HDAC9: variants seen among roughly 807,000 people sequenced by gnomAD.
The protein encoded by HDAC9 is MEF-2 interacting transcription repressor (MITR) protein.
Under a neutral mutation model 139.4 loss-of-function variants are expected in HDAC9, and 41 were observed. The ratio of observed to expected loss-of-function variants is 0.29; its 90% CI spans 0.23 to 0.38. The LOEUF (loss-of-function observed/expected upper bound fraction) is 0.38. Among genes scored for constraint, HDAC9 ranks in the 10% least tolerant of loss-of-function variants. The pLI is 1.00. For missense variants in HDAC9, 1,147 were observed against 1,297.0 expected (o/e 0.88, Z 1.78); for synonymous variants, 517 against 476.2 (o/e 1.09, Z -1.12).
At position 18,363,266 on chromosome 7, in the gene HDAC9, G is replaced by A. The variant is rs553064777; in HGVS notation, c.-42+72751G>A. Reference sequence around the variant, plus strand: ...TTACTTTTTCTTAATGTCAGATGAGGTATATATATCTTTTGTAACTTCCTG... The same window carrying A: ...TTACTTTTTCTTAATGTCAGATGAGATATATATATCTTTTGTAACTTCCTG... On this transcript the variant is annotated intron_variant, in intron 1 of 3. Coordinates refer to the HDAC9 transcript ENST00000413509. Among the ~76,000 whole-genome samples the A allele has an allele frequency of 3.3e-5, 5 of 152,060 alleles. 1 individual carries two copies. The South Asian group carries it at 1.0e-3, about 32-fold the overall frequency.
intron 21 of HDAC9, among the ~76,000 whole-genome samples, chr7:18,848,562 G>A (rs889654551): frequency 6.6e-6 from 1 of 151,726 alleles, no homozygotes; most frequent in Non-Finnish European, 1.5e-5. Context: ...TCCGGTGAGA[G>A]CGCTCTCATC....
At chr7:18,645,303 C>T (rs1300924291) in intron 9 of HDAC9, among the ~76,000 whole-genome samples, 1 of 152,166 alleles carries the variant, frequency 6.6e-6, no homozygotes, top group Non-Finnish European at 1.5e-5. Flanking sequence ...TACTGACTCT[C>T]TGGTACTGGC....
At chr7:18,533,786 C>T (rs1809884183) in intron 2 of HDAC9, among the ~76,000 whole-genome samples, 1 of 151,990 alleles carries the variant, frequency 6.6e-6, no homozygotes, top group African/African-American at 2.4e-5. Flanking sequence ...TATTTTTCTG[C>T]AGTTCTTACT....
intron 2 of HDAC9, among the ~76,000 whole-genome samples, chr7:18,262,990 A>G (rs935254339): frequency 3.9e-5 from 6 of 152,326 alleles, no homozygotes; most frequent in African/African-American, 1.4e-4. Context: ...AATGGTAGAC[A>G]TAAATCCTAC....
At position 18,813,834 on chromosome 7, in the gene HDAC9, A is replaced by G. The variant is rs536151377; in HGVS notation, c.2323-15327A>G. Among the ~76,000 whole-genome samples, 12 of 152,308 alleles carry G rather than the reference A, an allele frequency of 7.9e-5. No individual in the cohort carries two copies. The South Asian group carries it at 2.5e-3, about 32-fold the overall frequency. Reference sequence around the variant, plus strand: ...TGGGTGAAGTAAAAGGCGAGAGTCTAGCTATTACTAAGATTTTTTGTTCAG... The same window carrying G: ...TGGGTGAAGTAAAAGGCGAGAGTCTGGCTATTACTAAGATTTTTTGTTCAG... On this transcript the variant is annotated intron_variant, in intron 17 of 25. Coordinates refer to ENST00000686413, the MANE Select transcript of HDAC9 (RefSeq NM_178425.4).
intron 23 of HDAC9, among the ~76,000 whole-genome samples, chr7:18,947,435 A>G (rs1782483726): frequency 6.6e-6 from 1 of 151,992 alleles, no homozygotes; most frequent in Non-Finnish European, 1.5e-5. Context: ...TTTTAATGTT[A>G]TTAAAAGGAT....
At chr7:18,529,895 G>T (rs1053532771) in intron 2 of HDAC9, among the ~76,000 whole-genome samples, 3 of 151,936 alleles carry the variant, frequency 2.0e-5, no homozygotes, top group Non-Finnish European at 4.4e-5. Context: ...TGCTCTGCTT[G>T]TCCCATTACT....
chr7:18,921,997 A>G (rs1477419427), intron 22 of HDAC9, among the ~76,000 whole-genome samples: 1 of 146,504 alleles, frequency 6.8e-6, no homozygotes, highest in East Asian at 2.1e-4. Flanking sequence ...CAAACACCGC[A>G]TATTCTCACT....
chr7:18,525,109 A>G (rs1370541160), intron 2 of HDAC9, among the ~76,000 whole-genome samples: 1 of 152,156 alleles, frequency 6.6e-6, no homozygotes, highest in Non-Finnish European at 1.5e-5. Context: ...AGTCTGAATC[A>G]GTAAAGCCTC....
chr7:18,117,291 C>A (rs1245489775), intron 1 of HDAC9, among the ~76,000 whole-genome samples: 1 of 151,978 alleles, frequency 6.6e-6, no homozygotes, highest in East Asian at 1.9e-4. Flanking sequence ...TCGAGACCTT[C>A]CTGGCTAACA....
At chr7:18,810,028 TATTC>T (rs1457887488) in intron 17 of HDAC9, among the ~76,000 whole-genome samples, 1 of 151,994 alleles carries the variant, frequency 6.6e-6, no homozygotes, top group Non-Finnish European at 1.5e-5. Context: ...AATGGAATCT[TATTC>T]AGCCTTTAAA....
intron 1 of HDAC9, among the ~76,000 whole-genome samples, chr7:18,424,067 C>T (rs763071426): frequency 1.3e-5 from 2 of 152,134 alleles, no homozygotes; most frequent in Non-Finnish European, 1.5e-5. Context: ...TATATTCACT[C>T]CTAATCTTGT....
intron 1 of HDAC9, among the ~76,000 whole-genome samples, chr7:18,120,534 C>G (rs950469861): frequency 6.6e-6 from 1 of 151,528 alleles, no homozygotes; most frequent in African/African-American, 2.4e-5. Flanking sequence ...TCTTCATCCT[C>G]GTTTCTTCAT....
intron 2 of HDAC9, among the ~76,000 whole-genome samples, chr7:18,226,367 A>G (rs1195606963): frequency 6.6e-6 from 1 of 152,146 alleles, no homozygotes; most frequent in East Asian, 1.9e-4. Context: ...TGAGACATAC[A>G]GCACCTGGAG....
intron 22 of HDAC9, among the ~76,000 whole-genome samples, chr7:18,895,027 C>A (rs778321334): frequency 6.6e-6 from 1 of 152,014 alleles, no homozygotes; most frequent in Non-Finnish European, 1.5e-5. Context: ...TGGGCAAGAA[C>A]ATTTTGGAGG....
intron 22 of HDAC9, among the ~76,000 whole-genome samples, chr7:18,881,493 G>C (rs1223689733): frequency 6.6e-6 from 1 of 152,018 alleles, no homozygotes; most frequent in Non-Finnish European, 1.5e-5. Flanking sequence ...GATTGAGCCA[G>C]AACTAGGTGT....
intron 12 of HDAC9, among the ~76,000 whole-genome samples, chr7:18,713,801 G>A (rs1480804296): frequency 6.6e-6 from 1 of 152,138 alleles, no homozygotes; most frequent in Non-Finnish European, 1.5e-5. Context: ...GTTGTGACTA[G>A]TCATAACTGA....
chr7:18,174,542 A>C (rs1788723774), intron 2 of HDAC9, among the ~76,000 whole-genome samples: 1 of 152,212 alleles, frequency 6.6e-6, no homozygotes, highest in African/African-American at 2.4e-5. Context: ...TCTGGATTTT[A>C]GAATTTTCAA....
At chr7:18,319,300 C>T (rs1195611657) in intron 1 of HDAC9, among the ~76,000 whole-genome samples, 3 of 152,114 alleles carry the variant, frequency 2.0e-5, no homozygotes. Context: ...TAGTTATCTC[C>T]TTCTTTTTGT....
Sources: gnomAD v4.1 joint callset for allele counts (sites outside exome capture counted in the v4.1 genomes callset) on GRCh38, gnomAD v4.1.1 for gene constraint, MANE v1.5 for transcripts, NCBI Gene and HGNC (gene_info 2026-07-23, HGNC 2026-07-21) for gene names.